CCSER1: variants seen among roughly 807,000 people sequenced by gnomAD.
CCSER1 encodes coiled-coil serine rich protein 1, also known as serine-rich coiled-coil domain-containing protein 1.
In CCSER1, 41 loss-of-function variants were observed where a neutral mutation model predicts 82.0. The ratio of observed to expected loss-of-function variants is 0.50; its 90% CI spans 0.39 to 0.65. CCSER1 has a LOEUF of 0.65. CCSER1 is among the 30% of genes least tolerant of loss of function. The pLI is 0.00. For missense variants in CCSER1, 1,119 were observed against 1,064.2 expected (o/e 1.05, Z -0.72); for synonymous variants, 414 against 383.9 (o/e 1.08, Z -0.92).
At chr4:90,548,727 G>GATATATATAT (rs60880201) in intron 5 of CCSER1, among the ~76,000 whole-genome samples, 1 of 143,662 alleles carries the variant, frequency 7.0e-6, no homozygotes, top group South Asian at 2.2e-4. Context: ...ATCATTTAAA[G>GATATATATAT]ATATATATAT....
chr4:91,147,546 G>A (rs563944660), intron 10 of CCSER1, among the ~76,000 whole-genome samples: 1 of 152,164 alleles, frequency 6.6e-6, no homozygotes, highest in African/African-American at 2.4e-5. Context: ...GATAGTGGGG[G>A]CTCCTCCTCC....
At chr4:91,051,782 T>C (rs1743024922) in intron 9 of CCSER1, among the ~76,000 whole-genome samples, 1 of 152,142 alleles carries the variant, frequency 6.6e-6, no homozygotes, top group African/African-American at 2.4e-5. Flanking sequence ...ATCATTACTA[T>C]AGAGTGAATA....
chr4:90,777,515 CTG>C (rs1358362275), intron 7 of CCSER1, among the ~76,000 whole-genome samples: 2 of 152,056 alleles, frequency 1.3e-5, no homozygotes, highest in African/African-American at 4.8e-5. Flanking sequence ...TACTAGAAAA[CTG>C]TGCTTTCATG....
intron 4 of CCSER1, among the ~76,000 whole-genome samples, chr4:90,409,388 G>T (rs576991289): frequency 6.6e-6 from 1 of 152,256 alleles, no homozygotes; most frequent in Non-Finnish European, 1.5e-5. Context: ...GAGAAAGGTC[G>T]GGTTACCCAC....
At chr4:90,948,089 C>T (rs1732473471) in intron 9 of CCSER1, among the ~76,000 whole-genome samples, 1 of 151,820 alleles carries the variant, frequency 6.6e-6, no homozygotes, top group South Asian at 2.1e-4. Context: ...TCTTTCTGCC[C>T]TTTTTTCAGT....
At chr4:90,490,181 C>G (rs953903341) in intron 5 of CCSER1, among the ~76,000 whole-genome samples, 14 of 152,154 alleles carry the variant, frequency 9.2e-5, no homozygotes, top group Admixed American at 4.6e-4. Context: ...TCTCCAGCAC[C>G]TGTTGTTTCC....
At chr4:91,060,303 A>C (rs1028207415) in intron 9 of CCSER1, among the ~76,000 whole-genome samples, 1 of 152,066 alleles carries the variant, frequency 6.6e-6, no homozygotes, top group Non-Finnish European at 1.5e-5. Flanking sequence ...ATTAGGAAAT[A>C]CTGATAATTT....
chr4:90,172,818 A>G (rs1300480963), intron 1 of CCSER1, among the ~76,000 whole-genome samples: 1 of 151,838 alleles, frequency 6.6e-6, no homozygotes, highest in Non-Finnish European at 1.5e-5. Flanking sequence ...TAGGATTGAA[A>G]CAATATGTGT....
chr4:90,683,327 C>A (rs1463940318), intron 6 of CCSER1, among the ~76,000 whole-genome samples: 2 of 152,000 alleles, frequency 1.3e-5, no homozygotes, highest in African/African-American at 4.8e-5. Context: ...CCTTTCTCTT[C>A]TAGTCATTGT....
intron 5 of CCSER1, among the ~76,000 whole-genome samples, chr4:90,567,444 C>G: frequency 6.6e-6 from 1 of 152,032 alleles, no homozygotes; most frequent in East Asian, 1.9e-4. Context: ...ACATGCACCA[C>G]TACGCTTTCC....
intron 1 of CCSER1, among the ~76,000 whole-genome samples, chr4:90,185,665 A>G (rs1560762064): frequency 6.6e-6 from 1 of 152,078 alleles, no homozygotes. Context: ...TAATGTCCCC[A>G]GTCCTCAAGC....
At chr4:90,216,312 A>G (rs1741019763) in intron 1 of CCSER1, among the ~76,000 whole-genome samples, 1 of 152,204 alleles carries the variant, frequency 6.6e-6, no homozygotes, top group Non-Finnish European at 1.5e-5. Context: ...TTTTGCTCTA[A>G]ATTCCTTCTT....
At chr4:90,268,280 G>A (rs1725601124) in intron 1 of CCSER1, among the ~76,000 whole-genome samples, 1 of 152,024 alleles carries the variant, frequency 6.6e-6, no homozygotes, top group East Asian at 1.9e-4. Flanking sequence ...GGTGTGTAAA[G>A]TACTCATATC....
At chr4:90,173,445 T>C (rs1274315253) in intron 1 of CCSER1, among the ~76,000 whole-genome samples, 2 of 151,942 alleles carry the variant, frequency 1.3e-5, no homozygotes, top group South Asian at 2.1e-4. Flanking sequence ...CCCAAACAAA[T>C]TGAGGCATTT....
chr4:90,159,202 TTTA>T (rs960867070), intron 1 of CCSER1, among the ~76,000 whole-genome samples: 3 of 151,620 alleles, frequency 2.0e-5, no homozygotes, highest in East Asian at 1.9e-4. Context: ...ACTGGTTAAT[TTTA>T]TTATTATTAT....
chr4:91,600,381 G>A lies in CCSER1; in HGVS notation c.*1324G>A, dbSNP rs923710691. Reference sequence around the variant, plus strand: ...AAGACTAATAGGAATCAAGGCTGCAGTTTTCTTATACACATCAGAGCTGTT... The same window carrying A: ...AAGACTAATAGGAATCAAGGCTGCAATTTTCTTATACACATCAGAGCTGTT... On this transcript the variant is annotated 3_prime_UTR_variant, in exon 11 of 11. Coordinates refer to ENST00000509176, the MANE Select transcript of CCSER1 (RefSeq NM_001145065.2). 7 of 152,106 alleles carry A rather than the reference G, an allele frequency of 4.6e-5. No homozygotes were observed. The highest frequency in any genetic ancestry group is 3.9e-4 in the Admixed American group (6 of 15,252). The allele number at this position is 152,106 out of a possible 1,614,324, so 9.4% of individuals were successfully genotyped here.
At chr4:90,870,787 T>A (rs1293074328) in intron 8 of CCSER1, among the ~76,000 whole-genome samples, 1 of 150,382 alleles carries the variant, frequency 6.6e-6, no homozygotes, top group African/African-American at 2.4e-5. Context: ...TCTGATAAAA[T>A]TTAGCAGTAA....
chr4:90,365,095 C>T (rs909017406), intron 3 of CCSER1, among the ~76,000 whole-genome samples: 1 of 151,542 alleles, frequency 6.6e-6, no homozygotes, highest in African/African-American at 2.4e-5. Flanking sequence ...AGTAGTATTG[C>T]ATATATTTTT....
At chr4:90,235,517 A>C (rs1745616844) in intron 1 of CCSER1, among the ~76,000 whole-genome samples, 1 of 152,228 alleles carries the variant, frequency 6.6e-6, no homozygotes, top group Non-Finnish European at 1.5e-5. Flanking sequence ...TAGAATGAAC[A>C]TAATTTAGTC....
Sources: allele counts gnomAD v4.1 joint callset (sites outside exome capture counted in the v4.1 genomes callset), GRCh38; gene constraint gnomAD v4.1.1; transcripts MANE v1.5; gene names NCBI Gene and HGNC (gene_info 2026-07-23, HGNC 2026-07-21).